PTPRK: variants seen among roughly 807,000 people sequenced by gnomAD.
The protein encoded by PTPRK is receptor-type tyrosine-protein phosphatase kappa.
PTPRK carries 75 observed loss-of-function variants against 178.0 expected under a neutral mutation model. The ratio of observed to expected loss-of-function variants is 0.42; its 90% CI spans 0.35 to 0.51. The LOEUF (loss-of-function observed/expected upper bound fraction) is 0.51. Among genes scored for constraint, PTPRK ranks in the 20% least tolerant of loss-of-function variants. PTPRK has a pLI of 0.02. For missense variants in PTPRK, 1,441 were observed against 1,797.8 expected, an observed-to-expected ratio of 0.80 and a Z score of 3.59; for synonymous variants, 637 against 620.6, an observed-to-expected ratio of 1.03 and a Z score of -0.39.
rs1049385563 is a variant in PTPRK at position 128,359,673 on chromosome 6, A to G, written c.224-37363T>C. Among the ~76,000 whole-genome samples the G allele has an allele frequency of 3.9e-5, 6 of 152,214 alleles. No homozygotes were observed. The South Asian group carries it at 1.0e-3, about 26-fold the overall frequency. ...AGGCTGAGACAGAAGAATCGCTTGA[A>G]CCTAGGAGGCAGAGGTTGCAGTGAG... On this transcript the variant is annotated intron_variant, in intron 2 of 29. Coordinates refer to ENST00000368226, the MANE Select transcript of PTPRK (RefSeq NM_002844.4).
chr6:128,416,654 A>G (rs980535278), intron 1 of PTPRK, among the ~76,000 whole-genome samples: 3 of 151,668 alleles, frequency 2.0e-5, no homozygotes, highest in Non-Finnish European at 2.9e-5. Context: ...TCTTAAAAAA[A>G]AAAAAAAAAA....
intron 2 of PTPRK, among the ~76,000 whole-genome samples, chr6:128,374,259 G>A (rs143263338): frequency 5.3e-5 from 8 of 151,982 alleles, no homozygotes; most frequent in Admixed American, 2.0e-4. Flanking sequence ...TGCATGTGTC[G>A]GTCCTTGCAA....
At chr6:128,397,136 A>C (rs1840419042) in intron 2 of PTPRK, among the ~76,000 whole-genome samples, 1 of 152,174 alleles carries the variant, frequency 6.6e-6, no homozygotes, top group Non-Finnish European at 1.5e-5. Context: ...CACTGGGAGA[A>C]AGACACAACC....
chr6:128,083,453 C>G (rs1436784135), intron 9 of PTPRK, among the ~76,000 whole-genome samples: 1 of 151,942 alleles, frequency 6.6e-6, no homozygotes, highest in Non-Finnish European at 1.5e-5. Context: ...CTGATAATGA[C>G]TATCCTGCTT....
At chr6:128,226,626 C>T (rs1811341647) in intron 5 of PTPRK, among the ~76,000 whole-genome samples, 1 of 151,968 alleles carries the variant, frequency 6.6e-6, no homozygotes, top group African/African-American at 2.4e-5. Context: ...TTAGCCTGCC[C>T]TCCCCAAGGG....
chr6:128,493,486 C>T (rs1456639456), intron 1 of PTPRK, among the ~76,000 whole-genome samples: 3 of 151,390 alleles, frequency 2.0e-5, no homozygotes, highest in Non-Finnish European at 4.4e-5. Flanking sequence ...GGCGTGAACC[C>T]GGGAGGCAGA....
chr6:128,209,052 T>A (rs1394490062), intron 6 of PTPRK, among the ~76,000 whole-genome samples: 1 of 152,046 alleles, frequency 6.6e-6, no homozygotes, highest in African/African-American at 2.4e-5. Context: ...TAATCTCTCA[T>A]CCTTGACTCA....
chr6:128,315,764 T>G (rs942949956), intron 3 of PTPRK, among the ~76,000 whole-genome samples: 1 of 152,200 alleles, frequency 6.6e-6, no homozygotes, highest in East Asian at 1.9e-4. Context: ...GTATTTGTTT[T>G]CTAAGAATTG....
intron 28 of PTPRK, 149 bp from the exon 29 acceptor site, chr6:127,973,306 A>G (rs1562363537): frequency 7.7e-7 from 1 of 1,298,782 alleles, no homozygotes; most frequent in Non-Finnish European, 1.0e-6. Context: ...TACAAGGCAG[A>G]GAGGAGAAAA....
intron 1 of PTPRK, among the ~76,000 whole-genome samples, chr6:128,462,454 C>T (rs1378528001): frequency 6.6e-6 from 1 of 151,762 alleles, no homozygotes; most frequent in Non-Finnish European, 1.5e-5. Flanking sequence ...CGTGATGTAA[C>T]TTAGCATTTA....
chr6:128,261,495 G>A (rs1268950232), intron 3 of PTPRK, among the ~76,000 whole-genome samples: 1 of 152,080 alleles, frequency 6.6e-6, no homozygotes, highest in Non-Finnish European at 1.5e-5. Flanking sequence ...TTAGCAAAAT[G>A]TTTGTAACAC....
chr6:128,399,006 T>C (rs1840694785), intron 1 of PTPRK, among the ~76,000 whole-genome samples: 1 of 152,196 alleles, frequency 6.6e-6, no homozygotes, highest in East Asian at 1.9e-4. Flanking sequence ...TGTCTCATCT[T>C]GAAAGAAAAT....
chr6:128,012,162 C>T (rs535684618), intron 13 of PTPRK, among the ~76,000 whole-genome samples: 1 of 151,356 alleles, frequency 6.6e-6, no homozygotes, highest in South Asian at 2.1e-4. Context: ...AAGTCTTTAG[C>T]TGTGGCATTT....
intron 3 of PTPRK, among the ~76,000 whole-genome samples, chr6:128,243,391 C>T (rs1814823022): frequency 6.9e-6 from 1 of 145,716 alleles, no homozygotes; most frequent in Non-Finnish European, 1.5e-5. Context: ...CGGTAACTCA[C>T]ACCTATAATC....
chr6:127,972,038 T>C (rs1329507679), intron 29 of PTPRK, among the ~76,000 whole-genome samples: 1 of 152,074 alleles, frequency 6.6e-6, no homozygotes, highest in Non-Finnish European at 1.5e-5. Flanking sequence ...TGAGGTGGTG[T>C]AGGGAGTTTG....
intron 7 of PTPRK, among the ~76,000 whole-genome samples, chr6:128,172,801 T>C (rs2114652689): frequency 6.6e-6 from 1 of 151,950 alleles, no homozygotes; most frequent in African/African-American, 2.4e-5. Context: ...ATATGACATA[T>C]ATTCTATATC....
intron 10 of PTPRK, among the ~76,000 whole-genome samples, chr6:128,079,317 G>C (rs1176400990): frequency 6.6e-6 from 1 of 151,916 alleles, no homozygotes; most frequent in African/African-American, 2.4e-5. Flanking sequence ...CAAGAGCTGA[G>C]GTCAAGGGCT....
intron 3 of PTPRK, among the ~76,000 whole-genome samples, chr6:128,267,116 T>C (rs1199119600): frequency 2.0e-5 from 3 of 152,102 alleles, no homozygotes; most frequent in Non-Finnish European, 4.4e-5. Flanking sequence ...TTAATGCTGA[T>C]TTGTTATTTT....
At chr6:128,037,133 G>A (rs1462128311) in intron 13 of PTPRK, among the ~76,000 whole-genome samples, 1 of 152,080 alleles carries the variant, frequency 6.6e-6, no homozygotes, top group Non-Finnish European at 1.5e-5. Context: ...TTTTCTGCCT[G>A]TTCTCAGTCA....
Sources: gnomAD v4.1 joint callset for allele counts (sites outside exome capture counted in the v4.1 genomes callset) on GRCh38, gnomAD v4.1.1 for gene constraint, MANE v1.5 for transcripts, NCBI Gene and HGNC (gene_info 2026-07-23, HGNC 2026-07-21) for gene names.